Variants in HPSE2 observed in about 807,000 individuals in gnomAD.
The protein encoded by HPSE2 is heparanase 2 (inactive), also known as inactive heparanase-2.
HPSE2 carries 38 observed loss-of-function variants against 60.5 expected under a neutral mutation model. That is an observed-to-expected ratio of 0.63 (90% CI 0.48 to 0.82). The LOEUF is 0.82. Ranked by LOEUF, HPSE2 falls within the 40% of genes least tolerant of loss-of-function variation. The pLI, the probability that HPSE2 is intolerant of heterozygous loss-of-function variation, is 0.00. For synonymous variants in HPSE2, 295 were observed against 293.2 expected, an observed-to-expected ratio of 1.01 and a Z score of -0.06; for missense variants, 713 against 740.4, an observed-to-expected ratio of 0.96 and a Z score of 0.43.
chr10:98,768,476 T>C (rs1010249679), intron 3 of HPSE2, among the ~76,000 whole-genome samples: 1 of 152,214 alleles, frequency 6.6e-6, no homozygotes, highest in Admixed American at 6.5e-5. Context: ...AAAAATGAAC[T>C]GATAGTAGAA....
intron 3 of HPSE2, among the ~76,000 whole-genome samples, chr10:98,856,934 A>T (rs544267215): frequency 1.3e-5 from 2 of 152,316 alleles, no homozygotes; most frequent in African/African-American, 4.8e-5. Context: ...GCCAACACTC[A>T]GTGACCCGAT....
the HPSE2 span, among the ~76,000 whole-genome samples, chr10:99,263,592 A>T: frequency 1.3e-5 from 2 of 152,328 alleles, no homozygotes; most frequent in Admixed American, 1.3e-4. Context: ...CTGGTAAGGT[A>T]GCCAAAGAGG....
intron 3 of HPSE2, among the ~76,000 whole-genome samples, chr10:99,133,913 A>C (rs1428758950): frequency 6.6e-6 from 1 of 152,222 alleles, no homozygotes; most frequent in Non-Finnish European, 1.5e-5. Flanking sequence ...GGTGGGTAAC[A>C]GCAAACTCCT....
chr10:99,227,869 ATGTGTGTGTGTG>A (rs34836739), intron 2 of HPSE2, among the ~76,000 whole-genome samples: 8 of 142,390 alleles, frequency 5.6e-5, no homozygotes, highest in African/African-American at 1.8e-4. Flanking sequence ...ATGTGTATAT[ATGTGTGTGTGTG>A]TGTGTGTGTG....
chr10:98,749,016 A>G (rs1949692332), intron 3 of HPSE2, among the ~76,000 whole-genome samples: 1 of 152,200 alleles, frequency 6.6e-6, no homozygotes, highest in Admixed American at 6.5e-5. Flanking sequence ...GTTCTGTGGC[A>G]ATAAAAAGAA....
intron 5 of HPSE2, among the ~76,000 whole-genome samples, chr10:98,696,611 A>AT (rs11436426): frequency 2.0e-4 from 30 of 152,278 alleles, no homozygotes; most frequent in African/African-American, 7.2e-4. Context: ...CCAACCATGG[A>AT]ATGCGTAGAT....
chr10:98,958,888 C>T (rs1404780578), intron 3 of HPSE2, among the ~76,000 whole-genome samples: 2 of 152,078 alleles, frequency 1.3e-5, no homozygotes, highest in African/African-American at 4.8e-5. Flanking sequence ...AATTTAACAA[C>T]ACAGACTTTT....
intron 9 of HPSE2, among the ~76,000 whole-genome samples, chr10:98,542,954 T>C (rs1356533115): frequency 6.6e-6 from 1 of 151,956 alleles, no homozygotes; most frequent in Non-Finnish European, 1.5e-5. Flanking sequence ...CAGGCCAACA[T>C]TCAGATTCAG....
intron 3 of HPSE2, among the ~76,000 whole-genome samples, chr10:98,936,653 T>G (rs1954799695): frequency 7.0e-6 from 1 of 143,152 alleles, no homozygotes; most frequent in African/African-American, 2.9e-5. Context: ...TGACTGAGAT[T>G]ATATGGCCCA....
intron 9 of HPSE2, among the ~76,000 whole-genome samples, chr10:98,584,044 T>C (rs909640468): frequency 6.6e-6 from 1 of 152,192 alleles, no homozygotes; most frequent in Non-Finnish European, 1.5e-5. Context: ...TGCTGGGGCA[T>C]ATGGTAACTC....
At chr10:98,877,220 T>C (rs1952901918) in intron 3 of HPSE2, among the ~76,000 whole-genome samples, 1 of 151,856 alleles carries the variant, frequency 6.6e-6, no homozygotes, top group Non-Finnish European at 1.5e-5. Flanking sequence ...TAAGTTAATG[T>C]CCTTTTACAG....
chr10:98,942,693 A>G (rs181897331), intron 3 of HPSE2, among the ~76,000 whole-genome samples: 7,242 of 152,220 alleles, frequency 0.048, 239 homozygotes, highest in Admixed American at 0.074. Flanking sequence ...GGGATCTGGA[A>G]CTAGAAACAC....
chr10:98,987,080 A>G (rs2135324222), intron 3 of HPSE2, among the ~76,000 whole-genome samples: 1 of 152,200 alleles, frequency 6.6e-6, no homozygotes, highest in East Asian at 1.9e-4. Flanking sequence ...AGGAGCTGGT[A>G]CCATTCCTTC....
chr10:98,716,741 G>A (rs1948800816), intron 5 of HPSE2, among the ~76,000 whole-genome samples: 1 of 152,032 alleles, frequency 6.6e-6, no homozygotes, highest in South Asian at 2.1e-4. Context: ...AATTTCTTTT[G>A]TACATTTCCA....
chr10:98,771,281 T>C (rs555457382), intron 3 of HPSE2, among the ~76,000 whole-genome samples: 2 of 152,294 alleles, frequency 1.3e-5, no homozygotes, highest in African/African-American at 2.4e-5. Flanking sequence ...TGGTCTGTTA[T>C]GCTATCAGGG....
chr10:99,271,436 C>A, the HPSE2 span, among the ~76,000 whole-genome samples: 1 of 152,062 alleles, frequency 6.6e-6, no homozygotes, highest in Non-Finnish European at 1.5e-5. Flanking sequence ...TATACCTAAC[C>A]AAGGAAATGA....
At chr10:99,313,592 A>ATTTTTT in the HPSE2 span, among the ~76,000 whole-genome samples, 62 of 84,644 alleles carry the variant, frequency 7.3e-4, 4 homozygotes, top group African/African-American at 8.9e-4. Flanking sequence ...ACTGACTCCA[A>ATTTTTT]TTTTTTTTTT....
intron 9 of HPSE2, among the ~76,000 whole-genome samples, chr10:98,536,424 A>G (rs1228355455): frequency 6.6e-6 from 1 of 152,218 alleles, no homozygotes; most frequent in Non-Finnish European, 1.5e-5. Context: ...GGAAAGAGAG[A>G]GCACTTCAAT....
At chr10:99,188,456 G>A (rs1848108518) in intron 2 of HPSE2, among the ~76,000 whole-genome samples, 2 of 152,186 alleles carry the variant, frequency 1.3e-5, no homozygotes, top group South Asian at 2.1e-4. Context: ...ATAGGGAAGA[G>A]GAGGAGAAGG....
Sources: allele counts gnomAD v4.1 joint callset (sites outside exome capture counted in the v4.1 genomes callset), GRCh38; gene constraint gnomAD v4.1.1; transcripts MANE v1.5; gene names NCBI Gene and HGNC (gene_info 2026-07-23, HGNC 2026-07-21).